SPIRE1: variants seen among roughly 807,000 people sequenced by gnomAD.
SPIRE1 encodes spire type actin nucleation factor 1, also known as protein spire homolog 1.
Under a neutral mutation model 94.1 loss-of-function variants are expected in SPIRE1, and 40 were observed. The observed-to-expected ratio is 0.43, with a 90% CI of 0.33 to 0.55. The LOEUF (loss-of-function observed/expected upper bound fraction) is 0.55. Ranked by LOEUF, SPIRE1 falls within the 20% of genes least tolerant of loss-of-function variation. The pLI is 0.06. For synonymous variants in SPIRE1, 376 were observed against 371.7 expected, an observed-to-expected ratio of 1.01 and a Z score of -0.13; for missense variants, 838 against 975.2, an observed-to-expected ratio of 0.86 and a Z score of 1.87.
intron 4 of SPIRE1, 128 bp from the exon 5 acceptor site, chr18:12,512,659 C>A (rs185817129): frequency 1.1e-4 from 69 of 626,012 alleles, no homozygotes; most frequent in Non-Finnish European, 1.9e-5. Context: ...GAATCTATTG[C>A]TCCGTAAACT....
At chr18:12,491,912 A>T (rs2033246990) in intron 8 of SPIRE1, among the ~76,000 whole-genome samples, 1 of 152,248 alleles carries the variant, frequency 6.6e-6, no homozygotes, top group African/African-American at 2.4e-5. Context: ...AGTAAAATCA[A>T]CAGGGGTTGG....
chr18:12,485,086 T>C (rs1275670571), intron 9 of SPIRE1, among the ~76,000 whole-genome samples: 1 of 150,804 alleles, frequency 6.6e-6, no homozygotes, highest in Admixed American at 6.7e-5. Context: ...GCCATTACAA[T>C]GCTCTTGTAT....
At chr18:12,583,126 C>T (rs185771134) in intron 2 of SPIRE1, among the ~76,000 whole-genome samples, 4 of 152,204 alleles carry the variant, frequency 2.6e-5, no homozygotes, top group African/African-American at 9.6e-5. Flanking sequence ...TGACAGATGG[C>T]ACAAAGAAAG....
chr18:12,589,348 G>C (rs1183776510), intron 2 of SPIRE1, among the ~76,000 whole-genome samples: 1 of 152,142 alleles, frequency 6.6e-6, no homozygotes, highest in Admixed American at 6.5e-5. Context: ...AAGACAGAAA[G>C]AGCAAGTGAA....
chr18:12,607,400 T>C (rs2037010190), intron 2 of SPIRE1, among the ~76,000 whole-genome samples: 1 of 152,164 alleles, frequency 6.6e-6, no homozygotes, highest in Non-Finnish European at 1.5e-5. Flanking sequence ...ACCATAGTTC[T>C]TGAGTTGCTG....
chr18:12,454,875 A>C (rs547944637), intron 12 of SPIRE1, among the ~76,000 whole-genome samples: 4 of 152,158 alleles, frequency 2.6e-5, no homozygotes, highest in Non-Finnish European at 4.4e-5. Context: ...TATGAAAAAG[A>C]CATTACTTAG....
At chr18:12,561,435 A>G (rs1251634451) in intron 2 of SPIRE1, among the ~76,000 whole-genome samples, 3 of 151,890 alleles carry the variant, frequency 2.0e-5, no homozygotes, top group Non-Finnish European at 4.4e-5. Context: ...ATGCCCAGCT[A>G]ATGTATTTTT....
At chr18:12,643,784 A>G (rs1457363226) in intron 1 of SPIRE1, among the ~76,000 whole-genome samples, 1 of 152,186 alleles carries the variant, frequency 6.6e-6, no homozygotes, top group Non-Finnish European at 1.5e-5. Context: ...TATACTATAT[A>G]TAGTCAAGAA....
intron 9 of SPIRE1, among the ~76,000 whole-genome samples, chr18:12,484,248 T>C (rs572582960): frequency 2.0e-5 from 3 of 152,354 alleles, no homozygotes; most frequent in Non-Finnish European, 4.4e-5. Flanking sequence ...TCAAAAAAGG[T>C]AGAGTATCTG....
At chr18:12,547,385 C>A (rs2035204680) in intron 2 of SPIRE1, among the ~76,000 whole-genome samples, 1 of 152,024 alleles carries the variant, frequency 6.6e-6, no homozygotes, top group Non-Finnish European at 1.5e-5. Context: ...TTTTGCAAAC[C>A]CTGAATTTTC....
At chr18:12,538,410 A>G (rs2034906829) in intron 3 of SPIRE1, among the ~76,000 whole-genome samples, 1 of 152,192 alleles carries the variant, frequency 6.6e-6, no homozygotes, top group East Asian at 1.9e-4. Context: ...AACCTCTTAT[A>G]TAAATCTGTC....
chr18:12,494,943 G>C (rs948875405), intron 7 of SPIRE1, among the ~76,000 whole-genome samples: 1 of 150,046 alleles, frequency 6.7e-6, no homozygotes, highest in Non-Finnish European at 1.5e-5. Context: ...CCAGCTACTC[G>C]GGAGGCTGAG....
At chr18:12,485,529 T>C (rs2143807474) in intron 9 of SPIRE1, among the ~76,000 whole-genome samples, 1 of 152,344 alleles carries the variant, frequency 6.6e-6, no homozygotes, top group East Asian at 1.9e-4. Flanking sequence ...TAGATAACCA[T>C]TTTAAGTTTA....
chr18:12,553,255 A>G (rs542654778), intron 2 of SPIRE1, among the ~76,000 whole-genome samples: 3 of 152,330 alleles, frequency 2.0e-5, no homozygotes, highest in East Asian at 3.9e-4. Context: ...ACAGTGGGGT[A>G]GAGCACCAAG....
chr18:12,479,092 G>A (rs1472503520), intron 10 of SPIRE1, among the ~76,000 whole-genome samples: 2 of 151,402 alleles, frequency 1.3e-5, no homozygotes, highest in East Asian at 3.9e-4. Context: ...AAAACTTGCT[G>A]ACTTGTTTTA....
intron 2 of SPIRE1, among the ~76,000 whole-genome samples, chr18:12,580,772 A>C (rs938171222): frequency 6.6e-6 from 1 of 152,158 alleles, no homozygotes; most frequent in Non-Finnish European, 1.5e-5. Context: ...TTCAAGGCCC[A>C]GGCATGGTGG....
chr18:12,507,803 A>G (rs1311205025), intron 5 of SPIRE1, among the ~76,000 whole-genome samples: 2 of 152,140 alleles, frequency 1.3e-5, no homozygotes, highest in East Asian at 3.8e-4. Context: ...TCTCTACTTG[A>G]GTGAAGTCCA....
chr18:12,464,822 T>G (rs758551887), intron 11 of SPIRE1, 46 bp downstream of exon 11: 6 of 1,526,910 alleles, frequency 3.9e-6, no homozygotes, highest in Non-Finnish European at 5.4e-6. Context: ...AAGTGTGTTT[T>G]GTAGTAAGAC....
intron 2 of SPIRE1, among the ~76,000 whole-genome samples, chr18:12,611,455 C>T (rs2037139117): frequency 6.6e-6 from 1 of 152,204 alleles, no homozygotes; most frequent in African/African-American, 2.4e-5. Flanking sequence ...ACTGAGGCCT[C>T]CTGCCAACAG....
Sources: allele counts gnomAD v4.1 joint callset (sites outside exome capture counted in the v4.1 genomes callset), GRCh38; gene constraint gnomAD v4.1.1; transcripts MANE v1.5; gene names NCBI Gene and HGNC (gene_info 2026-07-23, HGNC 2026-07-21).